Variants in CDH12 observed in about 807,000 individuals in gnomAD.
The protein encoded by CDH12 is cadherin 12, also known as cadherin-12.
CDH12 carries 41 observed loss-of-function variants against 74.1 expected under a neutral mutation model. The ratio of observed to expected loss-of-function variants is 0.55; its 90% CI spans 0.43 to 0.72. CDH12 has a LOEUF of 0.72. Ranked by LOEUF, CDH12 falls within the 30% of genes least tolerant of loss-of-function variation. CDH12 has a pLI of 0.00. For synonymous variants in CDH12, 399 were observed against 355.0 expected, an observed-to-expected ratio of 1.12 and a Z score of -1.39; for missense variants, 945 against 977.2, an observed-to-expected ratio of 0.97 and a Z score of 0.44.
intron 6 of CDH12, among the ~76,000 whole-genome samples, chr5:21,953,416 T>G (rs1399197354): frequency 2.0e-5 from 3 of 152,206 alleles, no homozygotes. Context: ...CTTGAGATAG[T>G]GTAACCCAGG....
chr5:22,152,845 A>G (rs1454780314), intron 4 of CDH12, among the ~76,000 whole-genome samples: 2 of 152,198 alleles, frequency 1.3e-5, no homozygotes, highest in Non-Finnish European at 2.9e-5. Context: ...TCAGCTTTCA[A>G]GAGTGAGATA....
At chr5:21,985,541 G>A (rs1757477298) in intron 5 of CDH12, among the ~76,000 whole-genome samples, 1 of 152,074 alleles carries the variant, frequency 6.6e-6, no homozygotes, top group Non-Finnish European at 1.5e-5. Flanking sequence ...AGTAGTTAGT[G>A]ATTGAGATTT....
intron 1 of CDH12, among the ~76,000 whole-genome samples, chr5:22,804,891 G>A (rs1043191777): frequency 1.1e-4 from 17 of 152,152 alleles, no homozygotes; most frequent in African/African-American, 3.6e-4. Context: ...AACTTCTTGA[G>A]TAAAGTAATG....
intron 3 of CDH12, among the ~76,000 whole-genome samples, chr5:22,284,985 G>T (rs1048301993): frequency 2.0e-5 from 3 of 146,428 alleles, no homozygotes; most frequent in Non-Finnish European, 4.5e-5. Flanking sequence ...GTACAATTAA[G>T]TGTGTGTAAA....
intron 1 of CDH12, among the ~76,000 whole-genome samples, chr5:22,705,278 G>A (rs1278231943): frequency 6.6e-6 from 1 of 151,660 alleles, no homozygotes; most frequent in African/African-American, 2.4e-5. Flanking sequence ...TCCTTGCTCA[G>A]GACTACAGAG....
chr5:22,796,918 A>C (rs545062009), intron 1 of CDH12, among the ~76,000 whole-genome samples: 3 of 152,168 alleles, frequency 2.0e-5, no homozygotes, highest in Non-Finnish European at 4.4e-5. Flanking sequence ...GTTTCATAAA[A>C]TAATACTATG....
chr5:22,755,362 A>G (rs959850011), intron 1 of CDH12, among the ~76,000 whole-genome samples: 1 of 152,142 alleles, frequency 6.6e-6, no homozygotes, highest in Non-Finnish European at 1.5e-5. Context: ...GATGGGTCAC[A>G]TGAACTTGTC....
Position 21,882,147 on chromosome 5 carries a change from T to C in CDH12, c.527-27357A>G, listed in dbSNP as rs532848143. Among the ~76,000 whole-genome samples, 3 of 152,346 alleles carry C rather than the reference T, an allele frequency of 2.0e-5. No homozygotes were observed. The East Asian group carries it at 5.8e-4, about 29-fold the overall frequency. Reference sequence around the variant, plus strand: ...CCATTTTAGCTTCAGACGGTTATTGTCACTGGATTTCTTTGTTATGCCATT... The same window carrying C: ...CCATTTTAGCTTCAGACGGTTATTGCCACTGGATTTCTTTGTTATGCCATT... On this transcript the variant is annotated intron_variant, in intron 6 of 14. Coordinates refer to ENST00000382254, the MANE Select transcript of CDH12 (RefSeq NM_004061.5).
chr5:22,098,997 T>G (rs904888129), intron 4 of CDH12, among the ~76,000 whole-genome samples: 4 of 152,030 alleles, frequency 2.6e-5, no homozygotes, highest in African/African-American at 7.2e-5. Flanking sequence ...TCCTCAAGGA[T>G]TATTCAGGCC....
At chr5:22,772,254 A>G (rs560066262) in intron 1 of CDH12, among the ~76,000 whole-genome samples, 1 of 152,196 alleles carries the variant, frequency 6.6e-6, no homozygotes, top group East Asian at 1.9e-4. Context: ...CAACATAGAG[A>G]ACAACAAGTA....
intron 3 of CDH12, among the ~76,000 whole-genome samples, chr5:22,397,580 C>A (rs563199818): frequency 6.6e-6 from 1 of 151,294 alleles, no homozygotes; most frequent in Non-Finnish European, 1.5e-5. Flanking sequence ...AATTTTGTAA[C>A]CTTATAATGC....
chr5:22,193,900 G>C (rs1203657030), intron 4 of CDH12, among the ~76,000 whole-genome samples: 4 of 152,196 alleles, frequency 2.6e-5, no homozygotes, highest in African/African-American at 2.4e-5. Flanking sequence ...TTGAATTTAT[G>C]TAGGATTATC....
intron 2 of CDH12, among the ~76,000 whole-genome samples, chr5:22,445,099 G>C (rs1329757553): frequency 1.3e-5 from 2 of 152,058 alleles, no homozygotes; most frequent in Non-Finnish European, 2.9e-5. Context: ...TGGAAAGAGA[G>C]TATTTCATGC....
At chr5:22,589,985 A>T (rs960543264) in intron 1 of CDH12, among the ~76,000 whole-genome samples, 4 of 152,220 alleles carry the variant, frequency 2.6e-5, no homozygotes, top group Middle Eastern at 3.2e-3. Context: ...ATTATTTAAG[A>T]CAAAGGCAGC....
At chr5:22,421,996 G>C (rs1200673959) in intron 2 of CDH12, among the ~76,000 whole-genome samples, 1 of 152,162 alleles carries the variant, frequency 6.6e-6, no homozygotes, top group African/African-American at 2.4e-5. Flanking sequence ...CTTTTGAGAA[G>C]TGTCTGTTTA....
At chr5:22,097,106 GAGC>G (rs1743827952) in intron 4 of CDH12, among the ~76,000 whole-genome samples, 1 of 152,130 alleles carries the variant, frequency 6.6e-6, no homozygotes, top group African/African-American at 2.4e-5. Context: ...CCTCCCTCAG[GAGC>G]TTGCTACAAG....
In CDH12 at chr5:21,969,530, C is replaced by T. The variant is rs1377623584; in HGVS notation, c.526+5561G>A. On this transcript the variant is annotated intron_variant, in intron 6 of 14. Transcript: ENST00000382254. ...TCATTCTGAGGAAAGCCAGCTGCCA[C>T]GTTATGATGTAGGCCTGTGAGGTCC... Among the ~76,000 whole-genome samples, 17 of 151,968 alleles carry T rather than the reference C, an allele frequency of 1.1e-4. No homozygotes were observed. In the East Asian group the frequency reaches 1.9e-3, roughly 17 times the overall value.
At position 22,464,523 on chromosome 5, in the gene CDH12, C is replaced by T. The variant is rs549801899; in HGVS notation, c.-428+40747G>A. Among the ~76,000 whole-genome samples, 7 of 152,232 alleles carry T rather than the reference C, an allele frequency of 4.6e-5. No homozygotes were observed. In the East Asian group the frequency reaches 7.7e-4, roughly 17 times the overall value. Reference sequence around the variant, plus strand: ...AGACCAATATTTCCTTTAACGGGATCTGATTCTTCTGTTAAATGTTGGAAT... The same window carrying T: ...AGACCAATATTTCCTTTAACGGGATTTGATTCTTCTGTTAAATGTTGGAAT... On this transcript the variant is annotated intron_variant, in intron 2 of 14. Transcript: ENST00000382254.
intron 5 of CDH12, among the ~76,000 whole-genome samples, chr5:22,064,777 A>G (rs555681056): frequency 1.5e-4 from 23 of 152,304 alleles, no homozygotes; most frequent in African/African-American, 4.6e-4. Context: ...TCCCAGCTCA[A>G]GTACCACGTA....
Sources: allele counts gnomAD v4.1 joint callset (sites outside exome capture counted in the v4.1 genomes callset), GRCh38; gene constraint gnomAD v4.1.1; transcripts MANE v1.5; gene names NCBI Gene and HGNC (gene_info 2026-07-23, HGNC 2026-07-21).